The following PDZD8 variants were observed in gnomAD, a reference collection of about 807,000 sequenced individuals.
PDZD8 encodes the protein PDZ domain containing 8.
A neutral mutation model predicts 85.8 loss-of-function variants in PDZD8; 14 were observed. That is an observed-to-expected ratio of 0.16 (90% CI 0.11 to 0.26). The LOEUF (loss-of-function observed/expected upper bound fraction) is 0.26. Ranked by LOEUF, PDZD8 falls within the 10% of genes least tolerant of loss-of-function variation. The pLI, the probability that PDZD8 is intolerant of heterozygous loss-of-function variation, is 1.00. For missense variants in PDZD8, 1,197 were observed against 1,424.3 expected (o/e 0.84, Z 2.57); for synonymous variants, 592 against 568.6 (o/e 1.04, Z -0.59).
At position 117,279,834 on chromosome 10, in the gene PDZD8, A is replaced by G. The variant is rs1477931382; in HGVS notation, c.*3434T>C. Reference sequence around the variant, plus strand: ...GGGTATCTTCCTGCGGTGAAAGTCCACATCTTTAATCAGATCCTAAAAGCG... The same window carrying G: ...GGGTATCTTCCTGCGGTGAAAGTCCGCATCTTTAATCAGATCCTAAAAGCG... On this transcript the variant is annotated 3_prime_UTR_variant, in exon 5 of 5. Coordinates refer to ENST00000334464, the MANE Select transcript of PDZD8 (RefSeq NM_173791.5). 6.6e-6 allele frequency: 1 copy of G among 152,236 alleles called. No homozygotes were observed. Among genetic ancestry groups the G allele is most frequent in the Non-Finnish European group, 1.5e-5 (1 of 68,032 alleles). 9.4% of individuals were successfully genotyped at this position (152,236 alleles called of 1,614,324 possible). A position where few individuals can be genotyped will look rare whatever the true frequency, so the allele number is the denominator to read the frequency against.
intron 1 of PDZD8, among the ~76,000 whole-genome samples, chr10:117,365,287 G>A (rs1013505931): frequency 6.6e-6 from 1 of 152,082 alleles, no homozygotes; most frequent in Admixed American, 6.6e-5. Context: ...ATAAGCATCT[G>A]TTAGAACAAA....
At chr10:117,290,086 C>T (rs1844730130) in intron 4 of PDZD8, 100 bp downstream of exon 4, 6 of 994,518 alleles carry the variant, frequency 6.0e-6, no homozygotes, top group Non-Finnish European at 8.6e-6. Flanking sequence ...GTGACATATG[C>T]ATATTATAGA....
intron 2 of PDZD8, among the ~76,000 whole-genome samples, chr10:117,329,151 AATAAATATTTTGC>A (rs1268333817): frequency 3.3e-5 from 5 of 152,380 alleles, no homozygotes; most frequent in Non-Finnish European, 7.3e-5. Flanking sequence ...ATCACTGGCT[AATAAATATTTTGC>A]ATAAATATAA....
chr10:117,374,706 G>T lies in PDZD8; in HGVS notation c.522C>A (p.Pro174=). 1 of 1,604,848 alleles carries T rather than the reference G, an allele frequency of 6.2e-7. No homozygotes were observed. The highest frequency in any genetic ancestry group is 2.2e-5 in the East Asian group (1 of 44,484). ...GCAGCGCCTCCCCTTCAGGGCCATC[G>T]GGCTCCCCGGTGGCCGAGGGCACGA... is the stretch of plus-strand genomic sequence containing the variant. ...RPVVPSATGE[P]DGPEGEALPA... is the part of the protein sequence containing the mutation. The change falls in exon 1 of 5, where the codon CCC becomes CCA. Residue 174 remains proline, a synonymous_variant. Coordinates refer to ENST00000334464, the MANE Select transcript of PDZD8 (RefSeq NM_173791.5). This position sits in a 1 kb window ranked among gnomAD's most constrained non-coding sequence, Gnocchi z 7.8.
intron 3 of PDZD8, among the ~76,000 whole-genome samples, chr10:117,304,930 T>C (rs886507284): frequency 1.8e-4 from 28 of 152,288 alleles, no homozygotes; most frequent in African/African-American, 6.5e-4. Flanking sequence ...GAAAACTGAT[T>C]CTAGGACCCC....
At chr10:117,366,631 C>T (rs115082641) in intron 1 of PDZD8, among the ~76,000 whole-genome samples, 1,584 of 148,072 alleles carry the variant, frequency 0.011, 24 homozygotes, top group African/African-American at 0.038. Context: ...CTTTTAACAA[C>T]GTCAAATATA....
intron 2 of PDZD8, among the ~76,000 whole-genome samples, chr10:117,324,016 C>T (rs1046579993): frequency 2.6e-4 from 39 of 151,562 alleles, no homozygotes; most frequent in African/African-American, 9.5e-4. Flanking sequence ...TCACTTGAGC[C>T]CAGGAGTTTG....
intron 2 of PDZD8, among the ~76,000 whole-genome samples, chr10:117,323,970 G>C (rs762327581): frequency 1.3e-5 from 2 of 152,112 alleles, no homozygotes; most frequent in South Asian, 4.1e-4. Context: ...GCTCTCGCCC[G>C]TAATCCCAGC....
At chr10:117,292,410 A>G (rs753004227) in intron 3 of PDZD8, among the ~76,000 whole-genome samples, 4 of 152,152 alleles carry the variant, frequency 2.6e-5, no homozygotes, top group Non-Finnish European at 5.9e-5. Context: ...TATTCTCTCA[A>G]ATCCAGGAAC....
At chr10:117,285,801 T>A (rs1844652332) in intron 4 of PDZD8, 22 of 949,520 alleles carry the variant, frequency 2.3e-5, no homozygotes, top group Non-Finnish European at 2.8e-5. Flanking sequence ...CAGTTTGAAC[T>A]GAAGAAGTGA....
At chr10:117,321,738 A>C (rs1344123028) in intron 2 of PDZD8, among the ~76,000 whole-genome samples, 1 of 152,260 alleles carries the variant, frequency 6.6e-6, no homozygotes, top group East Asian at 1.9e-4. Context: ...TTAAAGTTTC[A>C]AAGATTTTTT....
chr10:117,283,418 T>A lies in PDZD8; in HGVS notation c.3315A>T (p.Glu1105Asp). 6.2e-7 allele frequency: 1 copy of A among 1,614,120 alleles called. No individual in the cohort carries two copies. The highest frequency in any genetic ancestry group is 8.5e-7 in the Non-Finnish European group (1 of 1,179,940). ...TGGAGTGCTGGTCTAAAGACAGACT[T>A]TCTAAAGTTTCTATATCTTCAATGC... ...RAGIEDIETL[E>D]SLSLDQHSKK... is the part of the protein sequence containing the mutation. Residue 1105 changes from glutamate to aspartate, a missense_variant, in exon 5 of 5, where the codon GAA becomes GAT. Physicochemically the swap from Glu to Asp is conservative, Grantham distance 45. Coordinates refer to ENST00000334464, the MANE Select transcript of PDZD8 (RefSeq NM_173791.5).
chr10:117,293,003 A>G (rs1565019683), intron 3 of PDZD8, among the ~76,000 whole-genome samples: 1 of 152,084 alleles, frequency 6.6e-6, no homozygotes, highest in Non-Finnish European at 1.5e-5. Context: ...TGAAATGAAA[A>G]TCATCACCTT....
chr10:117,361,091 T>G (rs1844988927), intron 1 of PDZD8, among the ~76,000 whole-genome samples: 1 of 152,182 alleles, frequency 6.6e-6, no homozygotes, highest in Non-Finnish European at 1.5e-5. Context: ...ACCATATATT[T>G]GCGAGAGAAC....
chr10:117,352,301 T>A (rs1844819171), intron 1 of PDZD8, among the ~76,000 whole-genome samples: 1 of 152,200 alleles, frequency 6.6e-6, no homozygotes, highest in South Asian at 2.1e-4. Flanking sequence ...AGCGTTCATG[T>A]TCTTGCTCAA....
At chr10:117,306,659 T>G (rs1217225394) in intron 3 of PDZD8, among the ~76,000 whole-genome samples, 1 of 86 alleles carries the variant, frequency 0.012, no homozygotes, top group Non-Finnish European at 0.083. Context: ...TAGGTTTTGT[T>G]TTTTTTTTTA....
intron 4 of PDZD8, among the ~76,000 whole-genome samples, chr10:117,286,348 A>G (rs1252463765): frequency 6.6e-6 from 1 of 152,000 alleles, no homozygotes; most frequent in Non-Finnish European, 1.5e-5. Flanking sequence ...CTCTTCCCAC[A>G]CTCTCTAAAA....
intron 1 of PDZD8, among the ~76,000 whole-genome samples, chr10:117,351,454 T>C (rs1049695731): frequency 1.1e-4 from 17 of 152,010 alleles, no homozygotes; most frequent in African/African-American, 4.1e-4. Flanking sequence ...CACAAAAAAA[T>C]CTAAAAATAG....
Position 117,375,174 on chromosome 10 carries a change from C to A in PDZD8, c.54G>T (p.Thr18=). 3.2e-6 allele frequency: 5 copies of A among 1,580,096 alleles called. No individual in the cohort carries two copies. The highest frequency in any genetic ancestry group is 3.4e-6 in the Non-Finnish European group (4 of 1,169,610). The change falls in exon 1 of 5, where the codon ACG becomes ACT. Residue 18 remains threonine, a synonymous_variant. Coordinates refer to ENST00000334464, the MANE Select transcript of PDZD8 (RefSeq NM_173791.5). ...LASAVLGSFL[T]LLAQFFLLYR... is the part of the protein sequence containing the mutation. ...ACAGCAGGAAGAACTGGGCGAGGAG[C>A]GTGAGGAAGGAACCCAGCACGGCCG...
Sources: allele counts gnomAD v4.1 joint callset (sites outside exome capture counted in the v4.1 genomes callset), GRCh38; gene constraint gnomAD v4.1.1; non-coding constraint Gnocchi (gnomAD v3.1); transcripts MANE v1.5; gene names NCBI Gene and HGNC (gene_info 2026-07-23, HGNC 2026-07-21).